ENAH: variants seen among roughly 807,000 people sequenced by gnomAD.
The protein encoded by ENAH is ENAH actin regulator, also known as protein enabled homolog.
A neutral mutation model predicts 78.7 loss-of-function variants in ENAH; 23 were observed. The ratio of observed to expected loss-of-function variants is 0.29; its 90% CI spans 0.21 to 0.41. The LOEUF (loss-of-function observed/expected upper bound fraction) is 0.41. ENAH is among the 10% of genes least tolerant of loss of function. ENAH has a pLI of 1.00. For missense variants in ENAH, 544 were observed against 691.0 expected (o/e 0.79, Z 2.39); for synonymous variants, 226 against 241.0 (o/e 0.94, Z 0.58).
intron 1 of ENAH, among the ~76,000 whole-genome samples, chr1:225,648,040 CA>C (rs1206283908): frequency 6.6e-6 from 1 of 152,130 alleles, no homozygotes; most frequent in African/African-American, 2.4e-5. Flanking sequence ...AGGGGCAAGT[CA>C]AGGACTATAT....
At chr1:225,555,355 G>A (rs1387969350) in intron 2 of ENAH, among the ~76,000 whole-genome samples, 1 of 152,166 alleles carries the variant, frequency 6.6e-6, no homozygotes, top group Non-Finnish European at 1.5e-5. Context: ...GCTCGAGGCA[G>A]GCAGATCATG....
chr1:225,526,116 C>A (rs2096502445), intron 4 of ENAH, among the ~76,000 whole-genome samples: 2 of 152,138 alleles, frequency 1.3e-5, no homozygotes, highest in Admixed American at 1.3e-4. Flanking sequence ...TGAGTTCCAG[C>A]AAATTTTCTT....
intron 1 of ENAH, chr1:225,581,323 T>C (rs1304243519): frequency 1.0e-6 from 1 of 983,388 alleles, no homozygotes; most frequent in Non-Finnish European, 1.2e-6. Context: ...CAAAATACTT[T>C]CCAAGCACCG....
intron 1 of ENAH, among the ~76,000 whole-genome samples, chr1:225,580,869 C>T (rs539173280): frequency 3.4e-5 from 5 of 147,208 alleles, no homozygotes; most frequent in East Asian, 2.0e-4. Context: ...TCACTGTACT[C>T]CAGCCTGGGC....
At chr1:225,610,796 T>C (rs74906750) in intron 1 of ENAH, among the ~76,000 whole-genome samples, 6,508 of 152,266 alleles carry the variant, frequency 0.043, 227 homozygotes, top group South Asian at 0.1. Flanking sequence ...AAGCTGTATT[T>C]GGCCCACATA....
At chr1:225,524,748 T>C (rs1254262873) in intron 4 of ENAH, 2 of 701,782 alleles carry the variant, frequency 2.8e-6, no homozygotes, top group Admixed American at 6.3e-5. Flanking sequence ...TACTGGTGAT[T>C]TGCGAACTAT....
At chr1:225,576,202 G>C (rs926239644) in intron 1 of ENAH, among the ~76,000 whole-genome samples, 1 of 150,872 alleles carries the variant, frequency 6.6e-6, no homozygotes, top group African/African-American at 2.4e-5. Flanking sequence ...ACTTGAGCCA[G>C]GAGTTCGAGG....
rs1771315 is a variant in ENAH at position 225,490,929 on chromosome 1, T to C, written c.*6846A>G. ...CCAACCACTGGCACTGGGGTGGCCT[T>C]ATGACTTACGACAATCAAATGGGGT... On this transcript the variant is annotated 3_prime_UTR_variant, in exon 14 of 14. Coordinates refer to ENST00000366843, the MANE Select transcript of ENAH (RefSeq NM_018212.6). The C allele has an allele frequency of 0.97, 147,904 of 152,322 alleles. 71,948 individuals are homozygous for C. The highest frequency in any genetic ancestry group is 1 in the East Asian group (5,177 of 5,178). The allele number at this position is 152,322 out of a possible 1,614,324, so 9.4% of individuals were successfully genotyped here. A position where few individuals can be genotyped will look rare whatever the true frequency, so the allele number is the denominator to read the frequency against.
Position 225,496,804 on chromosome 1 carries a change from C to G in ENAH, c.*971G>C, listed in dbSNP as rs1356023433. 1 of 152,616 alleles carries G rather than the reference C, an allele frequency of 6.6e-6. No homozygotes were observed. The highest frequency in any genetic ancestry group is 2.4e-5 in the African/African-American group (1 of 41,454). 9.5% of individuals were successfully genotyped at this position (152,616 alleles called of 1,614,324 possible). Reference sequence around the variant, plus strand: ...TAAATAAAAAATTATTCCTCCCCTTCCTCCCACTCCCCTATACTCTACAAA... The same window carrying G: ...TAAATAAAAAATTATTCCTCCCCTTGCTCCCACTCCCCTATACTCTACAAA... On this transcript the variant is annotated 3_prime_UTR_variant, in exon 14 of 14. Transcript: ENST00000366843.
At chr1:225,625,243 T>C (rs1444041975) in intron 1 of ENAH, among the ~76,000 whole-genome samples, 2 of 152,214 alleles carry the variant, frequency 1.3e-5, no homozygotes, top group South Asian at 2.1e-4. Flanking sequence ...GAAATGCAGA[T>C]AAAGTTAATT....
At chr1:225,519,624 C>T (rs202199194) in intron 4 of ENAH, 59 bp from the exon 5 acceptor site, 12 of 1,550,438 alleles carry the variant, frequency 7.7e-6, no homozygotes, top group East Asian at 2.2e-5. Flanking sequence ...CATGAAAAAG[C>T]GATTCTTTTC....
chr1:225,539,042 A>T (rs2096576288), intron 3 of ENAH, among the ~76,000 whole-genome samples: 1 of 152,200 alleles, frequency 6.6e-6, no homozygotes, highest in Non-Finnish European at 1.5e-5. Context: ...AAACCACCAC[A>T]TTCTGGCAGA....
intron 1 of ENAH, among the ~76,000 whole-genome samples, chr1:225,603,964 A>G (rs2096942352): frequency 6.6e-6 from 1 of 152,264 alleles, no homozygotes; most frequent in Admixed American, 6.5e-5. Context: ...ATTATTACCC[A>G]GTAGCCTTTT....
chr1:225,633,002 G>C (rs1172306067), intron 1 of ENAH, among the ~76,000 whole-genome samples: 1 of 151,908 alleles, frequency 6.6e-6, no homozygotes, highest in African/African-American at 2.4e-5. Flanking sequence ...GAAGTATGTG[G>C]CATGTTAGTT....
intron 1 of ENAH, among the ~76,000 whole-genome samples, chr1:225,605,088 A>C (rs1251440178): frequency 1.3e-5 from 2 of 152,186 alleles, no homozygotes; most frequent in Non-Finnish European, 2.9e-5. Flanking sequence ...AGCATGTAAA[A>C]TGTTAAACTG....
chr1:225,586,342 A>C (rs1352148212), intron 1 of ENAH, among the ~76,000 whole-genome samples: 1 of 151,936 alleles, frequency 6.6e-6, no homozygotes, highest in Non-Finnish European at 1.5e-5. Context: ...AAAAGGAAGA[A>C]AGAAATTGAT....
At chr1:225,586,867 T>C (rs1009778468) in intron 1 of ENAH, among the ~76,000 whole-genome samples, 7 of 127,100 alleles carry the variant, frequency 5.5e-5, no homozygotes, top group Admixed American at 2.2e-4. Flanking sequence ...CTACTAAAAA[T>C]ACAAAAAGTA....
At chr1:225,522,754 G>T (rs1436076307) in intron 4 of ENAH, among the ~76,000 whole-genome samples, 1 of 152,034 alleles carries the variant, frequency 6.6e-6, no homozygotes, top group Non-Finnish European at 1.5e-5. Flanking sequence ...AATGCTCTAA[G>T]CAATCTGTTG....
chr1:225,507,232 G>A (rs1366857581), intron 11 of ENAH, among the ~76,000 whole-genome samples: 1 of 151,518 alleles, frequency 6.6e-6, no homozygotes, highest in Admixed American at 6.6e-5. Context: ...AATGAGATAG[G>A]GAAATACATG....
Sources: gnomAD v4.1 joint callset for allele counts (sites outside exome capture counted in the v4.1 genomes callset) on GRCh38, gnomAD v4.1.1 for gene constraint, MANE v1.5 for transcripts, NCBI Gene and HGNC (gene_info 2026-07-23, HGNC 2026-07-21) for gene names.